Variants in PIK3R4 observed in about 807,000 individuals in gnomAD.
PIK3R4 encodes phosphoinositide 3-kinase regulatory subunit 4.
A neutral mutation model predicts 136.5 loss-of-function variants in PIK3R4; 46 were observed. The observed-to-expected ratio is 0.34, with a 90% CI of 0.27 to 0.43. The LOEUF is 0.43. PIK3R4 is among the 20% of genes least tolerant of loss of function. PIK3R4 has a pLI of 1.00. For missense variants in PIK3R4, 1,331 were observed against 1,649.5 expected, an observed-to-expected ratio of 0.81 and a Z score of 3.35; for synonymous variants, 557 against 566.7, an observed-to-expected ratio of 0.98 and a Z score of 0.24.
chr3:130,726,305 T>A (rs1232152976), intron 6 of PIK3R4, among the ~76,000 whole-genome samples: 1 of 152,134 alleles, frequency 6.6e-6, no homozygotes, highest in Non-Finnish European at 1.5e-5. Context: ...AGAAAAAGTT[T>A]AAGAAATAAT....
intron 13 of PIK3R4, among the ~76,000 whole-genome samples, chr3:130,702,743 C>A (rs954974708): frequency 6.6e-6 from 1 of 152,098 alleles, no homozygotes; most frequent in Non-Finnish European, 1.5e-5. Context: ...TAAAGTTGTA[C>A]AAATCTAAAA....
At chr3:130,722,161 A>G (rs939335131) in intron 7 of PIK3R4, among the ~76,000 whole-genome samples, 13 of 144,754 alleles carry the variant, frequency 9.0e-5, no homozygotes, top group Admixed American at 1.5e-4. Context: ...ATTGTTTTTT[A>G]CTTTTAAACA....
chr3:130,745,827 G>A (rs572682056), intron 1 of PIK3R4, among the ~76,000 whole-genome samples: 16 of 152,126 alleles, frequency 1.1e-4, no homozygotes, highest in Non-Finnish European at 2.2e-4. Context: ...CTCAAGACGG[G>A]GCTGGCCAAC....
At position 130,721,517 on chromosome 3, in the gene PIK3R4, A is replaced by T. The variant is rs990622393; in HGVS notation, c.1981+1897T>A. 2.8e-4 allele frequency among the ~76,000 whole-genome samples: 42 copies of T among 152,060 alleles called. 1 individual carries two copies. The highest frequency in any genetic ancestry group is 1.4e-3 in the Admixed American group (21 of 15,276). ...CAATTTAAGTGTCCACTGAATGAAT[A>T]AAAAAAATGGTGTATATAACAACTA... On this transcript the variant is annotated intron_variant, in intron 7 of 19. Coordinates refer to ENST00000356763, the MANE Select transcript of PIK3R4 (RefSeq NM_014602.3).
intron 13 of PIK3R4, among the ~76,000 whole-genome samples, chr3:130,700,654 C>T (rs1272159573): frequency 2.0e-5 from 3 of 152,196 alleles, no homozygotes; most frequent in African/African-American, 7.2e-5. Context: ...ACTGAATGGT[C>T]TGCCAACATC....
Position 130,705,601 on chromosome 3 carries a change from C to T in PIK3R4, c.2892G>A (p.Met964Ile). 3 of 1,613,794 alleles carry T rather than the reference C, an allele frequency of 1.9e-6. No homozygotes were observed. The highest frequency in any genetic ancestry group is 2.5e-6 in the Non-Finnish European group (3 of 1,179,700). ...QCNAERIAKQ[M>I]MENAEWESKP... Reference sequence around the variant, plus strand: ...TACTCTCCCATTCAGCATTTTCCATCATCTGCTTAGCTATTCTCTCAGCAT... The same window carrying T: ...TACTCTCCCATTCAGCATTTTCCATTATCTGCTTAGCTATTCTCTCAGCAT... The change falls in exon 12 of 20, where the codon ATG becomes ATA. Residue 964 changes from methionine (M) to isoleucine (I), a missense_variant. By Grantham distance (10) the Met-to-Ile change is conservative. This residue lies in a region of PIK3R4 where 1,180 missense variants were observed against 1,407.0 expected (regional missense o/e 0.84). Coordinates refer to ENST00000356763, the MANE Select transcript of PIK3R4 (RefSeq NM_014602.3).
intron 3 of PIK3R4, among the ~76,000 whole-genome samples, chr3:130,735,367 C>G (rs780746401): frequency 1.3e-5 from 2 of 152,202 alleles, no homozygotes; most frequent in African/African-American, 2.4e-5. Context: ...CGACTCCTCA[C>G]GCCCATTCTG....
At chr3:130,713,841 T>A (rs2066645891) in intron 9 of PIK3R4, among the ~76,000 whole-genome samples, 1 of 151,966 alleles carries the variant, frequency 6.6e-6, no homozygotes, top group Admixed American at 6.6e-5. Context: ...CCCAGCCAAT[T>A]TTTTGGATTT....
rs1284968415 is a variant in PIK3R4, at chr3:130,692,730, A to G, written c.3099-2076T>C. Among the ~76,000 whole-genome samples the G allele has an allele frequency of 3.3e-5, 5 of 152,242 alleles. No homozygotes were observed. In the South Asian group the frequency reaches 1.0e-3, roughly 32 times the overall value. On this transcript the variant is annotated intron_variant, in intron 13 of 19. Transcript: ENST00000356763. ...CCCACAGGGGCCCCACAGGGGCCCA[A>G]TCAGTACTGTAAATGAGTAAAGACA...
chr3:130,695,722 T>C (rs2066542290), intron 13 of PIK3R4, among the ~76,000 whole-genome samples: 2 of 152,170 alleles, frequency 1.3e-5, no homozygotes. Flanking sequence ...GTTGATCTCT[T>C]ACTGTGCCTA....
Position 130,679,302 on chromosome 3 carries a change from A to G in PIK3R4, c.*13T>C, listed in dbSNP as rs1559817612. 9.9e-6 allele frequency: 15 copies of G among 1,515,904 alleles called. No individual in the cohort carries two copies. Among genetic ancestry groups the G allele is most frequent in the Non-Finnish European group, 1.3e-5 (15 of 1,116,576 alleles). 93.9% of individuals were successfully genotyped at this position (1,515,904 alleles called of 1,614,324 possible). ...TATTTATAACTATTAAAATTTATAC[A>G]AATCAGTAGGTTTTATTTCCACACC... On this transcript the variant is annotated 3_prime_UTR_variant, in exon 20 of 20. Coordinates refer to ENST00000356763, the MANE Select transcript of PIK3R4 (RefSeq NM_014602.3).
At chr3:130,703,598 G>A (rs1214826324) in intron 13 of PIK3R4, 125 bp downstream of exon 13, 3 of 681,040 alleles carry the variant, frequency 4.4e-6, no homozygotes, top group Admixed American at 2.6e-5. Context: ...ACAGAAGAAG[G>A]ATTTTTGTCC....
rs1298271422 is a variant in PIK3R4 at position 130,708,316 on chromosome 3, G to T, written c.2508C>A (p.Thr836=). 1 of 1,613,290 alleles carries T rather than the reference G, an allele frequency of 6.2e-7. No homozygotes were observed. Among genetic ancestry groups the T allele is most frequent in the Non-Finnish European group, 8.5e-7 (1 of 1,179,500 alleles). The change falls in exon 10 of 20, where the codon ACC becomes ACA. Residue 836 remains threonine (T), a synonymous_variant. Transcript: ENST00000356763. The part of the protein sequence containing the change: ...ITGRQVDLVK[T]KQEPDDKRAR... ...CCCGTTTGTCATCTGGTTCTTGTTT[G>T]GTTTTAACAAGATCAACTTGTCTCC... is the stretch of plus-strand genomic sequence containing the variant.
intron 13 of PIK3R4, among the ~76,000 whole-genome samples, chr3:130,697,455 T>G (rs1169178042): frequency 6.6e-6 from 1 of 152,200 alleles, no homozygotes; most frequent in African/African-American, 2.4e-5. Context: ...AAATCTAAAG[T>G]GTGTCTATCA....
At chr3:130,706,004 T>TA (rs1325239153) in intron 11 of PIK3R4, among the ~76,000 whole-genome samples, 3 of 152,154 alleles carry the variant, frequency 2.0e-5, no homozygotes, top group Admixed American at 2.0e-4. Flanking sequence ...ATTTTATATA[T>TA]AAAAAAACTG....
chr3:130,706,807 G>C (rs1041887321), intron 11 of PIK3R4, 141 bp downstream of exon 11: 44 of 520,562 alleles, frequency 8.5e-5, no homozygotes, highest in African/African-American at 6.7e-4. Flanking sequence ...AGATAAACCT[G>C]TCTTAGAAAG....
At chr3:130,694,362 C>T (rs764836740) in intron 13 of PIK3R4, among the ~76,000 whole-genome samples, 11 of 151,246 alleles carry the variant, frequency 7.3e-5, no homozygotes, top group African/African-American at 2.2e-4. Flanking sequence ...ATCTGTACAT[C>T]GAGAGATCTG....
intron 10 of PIK3R4, 65 bp from the exon 11 acceptor site, chr3:130,707,200 T>A: frequency 8.3e-7 from 1 of 1,200,882 alleles, no homozygotes; most frequent in Non-Finnish European, 1.2e-6. Flanking sequence ...GTGCTTTTAT[T>A]GCCTTTGGAG....
chr3:130,735,878 G>A lies in PIK3R4; in HGVS notation c.858C>T (p.Ile286=), dbSNP rs1434709716. 4.3e-6 allele frequency: 7 copies of A among 1,610,344 alleles called. No individual in the cohort carries two copies. The highest frequency in any genetic ancestry group is 1.7e-4 in the Middle Eastern group (1 of 6,060). ...TTTGTAGCATAGTTACCAATTCTCT[G>A]ATACTGTGATCTTCAATTTTATTTA... ...QVLNKIEDHS[I]RELVTQMIHR... Residue 286 remains isoleucine (I), a synonymous_variant, in exon 3 of 20, where the codon ATC becomes ATT. Coordinates refer to ENST00000356763, the MANE Select transcript of PIK3R4 (RefSeq NM_014602.3).
Sources: gnomAD v4.1 joint callset for allele counts (sites outside exome capture counted in the v4.1 genomes callset) on GRCh38, gnomAD v4.1.1 for gene constraint, gnomAD v4.1.1 regional missense constraint, MANE v1.5 for transcripts, NCBI Gene and HGNC (gene_info 2026-07-23, HGNC 2026-07-21) for gene names.